The following NAALADL2 variants were observed in gnomAD, a reference collection of about 807,000 sequenced individuals.
NAALADL2 encodes N-acetylated alpha-linked acidic dipeptidase like 2.
Under a neutral mutation model 87.2 loss-of-function variants are expected in NAALADL2, and 76 were observed. The ratio of observed to expected loss-of-function variants is 0.87; its 90% confidence interval spans 0.72 to 1.05. NAALADL2 has a LOEUF of 1.05. NAALADL2 is among the 50% of genes least tolerant of loss of function. NAALADL2 has a pLI of 0.00. For synonymous variants in NAALADL2, 354 were observed against 331.0 expected (o/e 1.07, Z -0.75); for missense variants, 1,089 against 945.8 (o/e 1.15, Z -1.99).
chr3:175,381,460 CA>C (rs988770792), intron 5 of NAALADL2, among the ~76,000 whole-genome samples: 15 of 151,830 alleles, frequency 9.9e-5, no homozygotes, highest in Admixed American at 2.6e-4. Context: ...TTTTAAGCCT[CA>C]AAAAATCATA....
intron 5 of NAALADL2, among the ~76,000 whole-genome samples, chr3:175,375,778 A>G (rs1330921666): frequency 6.6e-6 from 1 of 152,042 alleles, no homozygotes; most frequent in Non-Finnish European, 1.5e-5. Context: ...TGTTTGCCTC[A>G]CATTTACCGT....
At chr3:175,168,774 CA>C (rs1734354716) in intron 2 of NAALADL2, among the ~76,000 whole-genome samples, 1 of 151,662 alleles carries the variant, frequency 6.6e-6, no homozygotes, top group Admixed American at 6.6e-5. Context: ...TTCTTCACTC[CA>C]ACATGAACAT....
At chr3:174,641,430 T>C (rs1319863451) in intron 2 of NAALADL2, among the ~76,000 whole-genome samples, 1 of 152,060 alleles carries the variant, frequency 6.6e-6, no homozygotes, top group Non-Finnish European at 1.5e-5. Flanking sequence ...TAAGATTTAC[T>C]ATGGTGAAAA....
chr3:175,451,317 G>T (rs142332675), intron 6 of NAALADL2, among the ~76,000 whole-genome samples: 1 of 151,780 alleles, frequency 6.6e-6, no homozygotes, highest in African/African-American at 2.4e-5. Flanking sequence ...CATTTGTATC[G>T]CTGCGAGAAC....
At chr3:174,489,480 T>C (rs577315483) in intron 1 of NAALADL2, among the ~76,000 whole-genome samples, 1 of 152,144 alleles carries the variant, frequency 6.6e-6, no homozygotes, top group South Asian at 2.1e-4. Context: ...AAAGAGAGAA[T>C]AGATAAATTA....
At chr3:174,811,429 G>T (rs1720194193) in intron 3 of NAALADL2, among the ~76,000 whole-genome samples, 1 of 152,186 alleles carries the variant, frequency 6.6e-6, no homozygotes, top group Non-Finnish European at 1.5e-5. Flanking sequence ...GTGAGACATA[G>T]AGTCAAAGGG....
At chr3:175,671,000 AAATAAT>A (rs1158705787) in intron 11 of NAALADL2, among the ~76,000 whole-genome samples, 1 of 151,528 alleles carries the variant, frequency 6.6e-6, no homozygotes, top group African/African-American at 2.4e-5. Flanking sequence ...TTGTAAAAAA[AAATAAT>A]AATAATAAGC....
chr3:175,041,634 A>G (rs956699073), intron 1 of NAALADL2, among the ~76,000 whole-genome samples: 3 of 152,172 alleles, frequency 2.0e-5, no homozygotes, highest in African/African-American at 4.8e-5. Flanking sequence ...TGTTTATACA[A>G]TGACACTGTA....
intron 9 of NAALADL2, among the ~76,000 whole-genome samples, chr3:175,495,814 G>T (rs927567638): frequency 1.3e-5 from 2 of 151,818 alleles, no homozygotes; most frequent in African/African-American, 2.4e-5. Flanking sequence ...AAGGAGGAAG[G>T]TTAATCACAA....
chr3:175,602,424 A>C (rs1449406399), intron 10 of NAALADL2, among the ~76,000 whole-genome samples: 4 of 151,502 alleles, frequency 2.6e-5, no homozygotes, highest in African/African-American at 9.7e-5. Flanking sequence ...GTATGTAAAC[A>C]TAATATGTTA....
chr3:174,962,433 G>GTCATAGTGACTATGACATATATATA (rs1742245895), intron 1 of NAALADL2, among the ~76,000 whole-genome samples: 2 of 52,230 alleles, frequency 3.8e-5, no homozygotes, highest in Non-Finnish European at 1.0e-4. Flanking sequence ...ATATATATAT[G>GTCATAGTGACTATGACATATATATA]TATATTTTTA....
intron 2 of NAALADL2, among the ~76,000 whole-genome samples, chr3:175,174,289 T>G (rs1468922718): frequency 6.6e-6 from 1 of 152,178 alleles, no homozygotes; most frequent in African/African-American, 2.4e-5. Context: ...CATTACCATA[T>G]ACATTGCCAA....
intron 13 of NAALADL2, among the ~76,000 whole-genome samples, chr3:175,768,087 T>G (rs576281743): frequency 3.9e-5 from 6 of 152,252 alleles, no homozygotes; most frequent in Non-Finnish European, 7.4e-5. Context: ...TGGTGGGGTT[T>G]TATTGGGGTT....
intron 2 of NAALADL2, among the ~76,000 whole-genome samples, chr3:174,664,615 C>T (rs62284718): frequency 0.078 from 11,894 of 152,130 alleles, 696 homozygotes; most frequent in South Asian, 0.27. Flanking sequence ...TGTATACATA[C>T]CTACATATGT....
At chr3:174,683,855 T>C (rs1405172756) in intron 2 of NAALADL2, among the ~76,000 whole-genome samples, 1 of 152,092 alleles carries the variant, frequency 6.6e-6, no homozygotes, top group Non-Finnish European at 1.5e-5. Context: ...AATGAGAATC[T>C]ATTTTTTCAG....
In NAALADL2 at chr3:175,576,068, G is replaced by C. The variant is rs367650158; in HGVS notation, c.1681G>C (p.Ala561Pro). The C allele has an allele frequency of 6.2e-7, 1 of 1,612,824 alleles. No homozygotes were observed. The highest frequency in any genetic ancestry group is 2.2e-5 in the East Asian group (1 of 44,852). The change falls in exon 10 of 14, where the codon GCC becomes CCC. Residue 561 changes from alanine (A) to proline (P), a missense_variant. Transcript: ENST00000454872. ...AAATAATTTCAACTGTACCAGAAGAGCCCAGTGCCCAGAAACCAATATCAG... is the reference window on the plus strand; with the variant it reads ...AAATAATTTCAACTGTACCAGAAGACCCCAGTGCCCAGAAACCAATATCAG... ...EKNNFNCTRR[A>P]QCPETNISSI...
intron 2 of NAALADL2, among the ~76,000 whole-genome samples, chr3:174,714,285 C>G (rs936868538): frequency 3.9e-5 from 6 of 152,256 alleles, no homozygotes; most frequent in African/African-American, 1.2e-4. Flanking sequence ...GCAATGTGGG[C>G]TCTTTTTTGG....
intron 1 of NAALADL2, among the ~76,000 whole-genome samples, chr3:174,534,139 T>C (rs946123545): frequency 1.3e-5 from 2 of 152,196 alleles, no homozygotes. Flanking sequence ...GAATCTACTA[T>C]TACATTTCTT....
intron 3 of NAALADL2, among the ~76,000 whole-genome samples, chr3:174,817,285 A>G (rs1254206658): frequency 6.6e-6 from 1 of 152,182 alleles, no homozygotes; most frequent in Non-Finnish European, 1.5e-5. Context: ...CTTATGTGAA[A>G]GTATGATAAT....
Sources: gnomAD v4.1 joint callset for allele counts (sites outside exome capture counted in the v4.1 genomes callset) on GRCh38, gnomAD v4.1.1 for gene constraint, MANE v1.5 for transcripts, NCBI Gene and HGNC (gene_info 2026-07-23, HGNC 2026-07-21) for gene names.